Variants in CSMD3 observed in about 807,000 individuals in gnomAD.
The protein encoded by CSMD3 is CUB and sushi domain-containing protein 3.
In CSMD3, 177 loss-of-function variants were observed where a neutral mutation model predicts 435.2. The ratio of observed to expected loss-of-function variants is 0.41; its 90% CI spans 0.36 to 0.46. The LOEUF (loss-of-function observed/expected upper bound fraction) is 0.46, where lower values mean the gene tolerates loss of function less well. CSMD3 is among the 20% of genes least tolerant of loss of function. CSMD3 has a pLI of 0.34. For missense variants in CSMD3, 4,265 were observed against 4,504.6 expected (o/e 0.95, Z 1.52); for synonymous variants, 1,656 against 1,520.5 (o/e 1.09, Z -2.07).
intron 22 of CSMD3, among the ~76,000 whole-genome samples, chr8:112,595,238 T>C (rs1252403311): frequency 6.6e-6 from 1 of 151,862 alleles, no homozygotes; most frequent in Non-Finnish European, 1.5e-5. Flanking sequence ...CAGGAGTCGA[T>C]GCGATCAACT....
At chr8:112,641,710 C>G (rs2074833663) in intron 20 of CSMD3, among the ~76,000 whole-genome samples, 1 of 151,978 alleles carries the variant, frequency 6.6e-6, no homozygotes. Context: ...TGGTGGCATA[C>G]ACCTGTAGTC....
At chr8:112,511,152 T>A (rs1185556777) in intron 28 of CSMD3, among the ~76,000 whole-genome samples, 4 of 152,154 alleles carry the variant, frequency 2.6e-5, no homozygotes, top group Non-Finnish European at 5.9e-5. Flanking sequence ...ATATAAAAGT[T>A]ATGTTTACAC....
chr8:113,250,153 T>A (rs2093321317), intron 3 of CSMD3, among the ~76,000 whole-genome samples: 1 of 152,126 alleles, frequency 6.6e-6, no homozygotes, highest in Non-Finnish European at 1.5e-5. Flanking sequence ...AGAATTGTAA[T>A]TATAGGATAT....
Position 112,434,666 on chromosome 8 carries a change from GCTC to G in CSMD3, c.5396-25637_5396-25635del, listed in dbSNP as rs779910782. Among the ~76,000 whole-genome samples, 18 of 152,162 alleles carry G rather than the reference GCTC, an allele frequency of 1.2e-4. No homozygotes were observed. The South Asian group carries it at 3.7e-3, about 31-fold the overall frequency. On this transcript the variant is annotated intron_variant, in intron 32 of 70. Transcript: ENST00000297405. Reference sequence around the variant, plus strand: ...GTAAATTTACTGTGAAGTTAACAAAGCTCCTACCTCGCACAGGCTCCTTCTAAG... The same window carrying G: ...GTAAATTTACTGTGAAGTTAACAAAGCTACCTCGCACAGGCTCCTTCTAAG...
chr8:112,452,673 A>G (rs1816416361), intron 32 of CSMD3, among the ~76,000 whole-genome samples: 1 of 152,202 alleles, frequency 6.6e-6, no homozygotes, highest in African/African-American at 2.4e-5. Context: ...GAGTTTTCAC[A>G]TAGCAATGGA....
At chr8:112,290,736 C>T (rs190776200) in intron 56 of CSMD3, among the ~76,000 whole-genome samples, 8 of 152,074 alleles carry the variant, frequency 5.3e-5, no homozygotes, top group East Asian at 1.9e-4. Context: ...TTTCTTCACA[C>T]GCTATTCATT....
chr8:113,412,046 A>C (rs72673225), intron 1 of CSMD3, among the ~76,000 whole-genome samples: 2,829 of 152,210 alleles, frequency 0.019, 40 homozygotes, highest in Non-Finnish European at 0.026. Context: ...ATGATAATAC[A>C]TACACAACAG....
chr8:112,662,902 A>T (rs1488999337), intron 17 of CSMD3, among the ~76,000 whole-genome samples: 1 of 152,182 alleles, frequency 6.6e-6, no homozygotes, highest in Non-Finnish European at 1.5e-5. Context: ...ACATTTATGC[A>T]GCCAAAAGAC....
At chr8:113,162,926 T>C (rs889998209) in intron 4 of CSMD3, among the ~76,000 whole-genome samples, 2 of 152,170 alleles carry the variant, frequency 1.3e-5, no homozygotes, top group African/African-American at 4.8e-5. Context: ...ATGCCTTTGA[T>C]CTTCCATGGC....
At chr8:113,286,902 CA>C (rs2093650773) in intron 2 of CSMD3, among the ~76,000 whole-genome samples, 1 of 150,910 alleles carries the variant, frequency 6.6e-6, no homozygotes, top group South Asian at 2.1e-4. Flanking sequence ...GAAAGGGAAG[CA>C]GGAGGAAAGG....
intron 32 of CSMD3, among the ~76,000 whole-genome samples, chr8:112,442,593 T>A (rs1200104906): frequency 6.6e-6 from 1 of 152,152 alleles, no homozygotes; most frequent in Non-Finnish European, 1.5e-5. Flanking sequence ...CAACTTAATG[T>A]CCCACAATAT....
In CSMD3 at chr8:113,370,148, TATC is replaced by T. The variant is rs576417270; in HGVS notation, c.179-55358_179-55356del. Among the ~76,000 whole-genome samples the T allele has an allele frequency of 4.8e-3, 729 of 151,558 alleles. 12 individuals are homozygous for T. Among genetic ancestry groups the T allele is most frequent in the African/African-American group, 0.017 (699 of 41,472 alleles). Reference sequence around the variant, plus strand: ...TACACAATGTATATATACTTCAAAATATCATGTTGTACATAATAAATACATATA... The same window carrying T: ...TACACAATGTATATATACTTCAAAATATGTTGTACATAATAAATACATATA... On this transcript the variant is annotated intron_variant, in intron 1 of 70. Coordinates refer to ENST00000297405, the MANE Select transcript of CSMD3 (RefSeq NM_198123.2).
intron 38 of CSMD3, among the ~76,000 whole-genome samples, chr8:112,357,299 A>G (rs1280554149): frequency 2.0e-5 from 3 of 152,172 alleles, no homozygotes. Flanking sequence ...GAGATGATTT[A>G]GGTTATCTGG....
intron 56 of CSMD3, among the ~76,000 whole-genome samples, chr8:112,289,985 T>C (rs989635986): frequency 3.9e-5 from 6 of 152,018 alleles, no homozygotes; most frequent in Admixed American, 6.6e-5. Context: ...AGAAATTACA[T>C]GAAAAGAACT....
At chr8:112,930,391 T>A (rs1039801016) in intron 9 of CSMD3, among the ~76,000 whole-genome samples, 5 of 152,096 alleles carry the variant, frequency 3.3e-5, no homozygotes, top group African/African-American at 1.2e-4. Context: ...TAATTGTATT[T>A]TAAAAAGCCC....
At chr8:112,628,585 T>C (rs1215323329) in intron 22 of CSMD3, among the ~76,000 whole-genome samples, 1 of 152,172 alleles carries the variant, frequency 6.6e-6, no homozygotes, top group Non-Finnish European at 1.5e-5. Context: ...TTTGTTCATG[T>C]AAATGAAAGT....
intron 6 of CSMD3, among the ~76,000 whole-genome samples, chr8:112,982,087 T>C (rs1319858743): frequency 6.6e-6 from 1 of 151,860 alleles, no homozygotes; most frequent in Non-Finnish European, 1.5e-5. Flanking sequence ...CCCAGTTGAT[T>C]AAGAGAAATT....
intron 4 of CSMD3, among the ~76,000 whole-genome samples, chr8:113,125,590 G>C (rs1245630808): frequency 6.6e-6 from 1 of 151,784 alleles, no homozygotes; most frequent in Non-Finnish European, 1.5e-5. Context: ...TCATAAAACT[G>C]AGAGTTCAGA....
chr8:112,452,968 A>G (rs940960115), intron 32 of CSMD3, among the ~76,000 whole-genome samples: 1 of 152,226 alleles, frequency 6.6e-6, no homozygotes, highest in Non-Finnish European at 1.5e-5. Context: ...ACTGGTTAAA[A>G]TTAATTGAGC....
Sources: gnomAD v4.1 joint callset for allele counts (sites outside exome capture counted in the v4.1 genomes callset) on GRCh38, gnomAD v4.1.1 for gene constraint, MANE v1.5 for transcripts, NCBI Gene and HGNC (gene_info 2026-07-23, HGNC 2026-07-21) for gene names.